ABCC8: variants seen among roughly 807,000 people sequenced by gnomAD.
ABCC8 encodes the protein ATP binding cassette subfamily C member 8.
Under a neutral mutation model 188.0 loss-of-function variants are expected in ABCC8, and 137 were observed. The ratio of observed to expected loss-of-function variants is 0.73; its 90% CI spans 0.63 to 0.84. ABCC8 has a LOEUF of 0.84. Among genes scored for constraint, ABCC8 ranks in the 40% least tolerant of loss-of-function variants. The pLI is 0.00. For missense variants in ABCC8, 1,750 were observed against 2,072.7 expected (o/e 0.84, Z 3.02); for synonymous variants, 797 against 846.5 (o/e 0.94, Z 1.01).
In ABCC8 at chr11:17,435,610, G is replaced by A; in HGVS notation, c.1631-3366C>T. The A allele has an allele frequency of 2.9e-6, 4 of 1,395,722 alleles. No homozygotes were observed. The Admixed American group carries it at 6.7e-5, about 24-fold the overall frequency. 86.5% of individuals were successfully genotyped at this position (1,395,722 alleles called of 1,614,324 possible). On this transcript the variant is annotated intron_variant, in intron 10 of 38. Coordinates refer to ENST00000389817, the MANE Select transcript of ABCC8 (RefSeq NM_000352.6). The stretch of plus-strand genomic sequence containing the variant: ...TTTCCCAGGCTGGAGATAAAAGTGA[G>A]AAACAGAAAGATGGGTGAATGTAAT...
At position 17,470,945 on chromosome 11, in the gene ABCC8, T is replaced by C. The variant is rs138590777; in HGVS notation, c.291-723A>G. The stretch of plus-strand genomic sequence containing the variant: ...TGAGGAGGGTCACCTTAGTTGGTCG[T>C]GATCATGCCCTTCCACAGCTCCCTC... On this transcript the variant is annotated intron_variant, in intron 2 of 38. Coordinates refer to ENST00000389817, the MANE Select transcript of ABCC8 (RefSeq NM_000352.6). Among the ~76,000 whole-genome samples the C allele has an allele frequency of 2.9e-3, 435 of 152,264 alleles. 1 individual carries two copies. The highest frequency in any genetic ancestry group is 4.9e-3 in the Non-Finnish European group (334 of 68,018).
chr11:17,443,336 G>T (rs755179768), intron 8 of ABCC8, 24 bp from the exon 9 acceptor site: 1 of 1,613,780 alleles, frequency 6.2e-7, no homozygotes, highest in African/African-American at 1.3e-5. Flanking sequence ...CATGGGTCAG[G>T]TCCCTTTGAC....
chr11:17,457,012 T>G (rs570333648), intron 6 of ABCC8, among the ~76,000 whole-genome samples: 19 of 152,214 alleles, frequency 1.2e-4, no homozygotes, highest in Non-Finnish European at 2.4e-4. Context: ...TGAGCACAGA[T>G]AAGGGGCATC....
chr11:17,460,997 C>T lies in ABCC8; in HGVS notation c.823-321G>A, dbSNP rs571245612. The T allele has an allele frequency of 8.1e-4, 347 of 427,632 alleles. 2 individuals carry two copies. The highest frequency in any genetic ancestry group is 6.3e-3 in the African/African-American group (315 of 49,742). The allele number at this position is 427,632 out of a possible 1,614,324, so 26.5% of individuals were successfully genotyped here. A position where few individuals can be genotyped will look rare whatever the true frequency, so the allele number is the denominator to read the frequency against. Reference sequence around the variant, plus strand: ...GCCACACTCACTCATTACCACCTGCCACCGTGTCTGCCTCAGCAACTGCCC... The same window carrying T: ...GCCACACTCACTCATTACCACCTGCTACCGTGTCTGCCTCAGCAACTGCCC... On this transcript the variant is annotated intron_variant, in intron 5 of 38. Transcript: ENST00000389817.
Position 17,394,477 on chromosome 11 carries a change from G to A in ABCC8, c.4412-78C>T, listed in dbSNP as rs763053707. On this transcript the variant is annotated intron_variant, in intron 36 of 38. Transcript: ENST00000389817. ...GTGGAGCAGATGGGATGGCTTGGGGGGCTGTTGGAAAATGTGTGCATGGGG... is the reference window on the plus strand; with the variant it reads ...GTGGAGCAGATGGGATGGCTTGGGGAGCTGTTGGAAAATGTGTGCATGGGG... The A allele has an allele frequency of 1.0e-4, 163 of 1,608,308 alleles. 2 individuals are homozygous for A. Among genetic ancestry groups the A allele is most frequent in the Admixed American group, 1.3e-4 (8 of 59,824 alleles).
rs972762584 is a variant in ABCC8 at position 17,463,762 on chromosome 11, G to C, written c.413-158C>G. On this transcript the variant is annotated intron_variant, in intron 3 of 38. Transcript: ENST00000389817. ...GATGTGCACGTGTGAATATATCAGA[G>C]TACATGACTCTAAGATGACGCACGT... 27 of 401,070 alleles carry C rather than the reference G, an allele frequency of 6.7e-5. 1 individual carries two copies. Among genetic ancestry groups the C allele is most frequent in the Non-Finnish European group, 8.4e-5 (25 of 295,988 alleles). The allele number at this position is 401,070 out of a possible 1,614,324, so 24.8% of individuals were successfully genotyped here.
chr11:17,397,888 T>C, intron 30 of ABCC8, 91 bp from the exon 31 acceptor site: 1 of 1,549,844 alleles, frequency 6.5e-7, no homozygotes, highest in Non-Finnish European at 8.7e-7. Flanking sequence ...AGAGAGCAGC[T>C]CAGCCAGGCC....
chr11:17,422,086 G>A (rs766077448), intron 16 of ABCC8, among the ~76,000 whole-genome samples: 1 of 152,204 alleles, frequency 6.6e-6, no homozygotes, highest in Non-Finnish European at 1.5e-5. Context: ...TCTTCTCCCT[G>A]CAGACCTGGG....
At chr11:17,472,571 T>A (rs938184362) in intron 2 of ABCC8, among the ~76,000 whole-genome samples, 9 of 151,922 alleles carry the variant, frequency 5.9e-5, no homozygotes, top group Non-Finnish European at 1.2e-4. Flanking sequence ...ATCACAAGGG[T>A]CTGTGACTTC....
chr11:17,417,038 G>A, intron 16 of ABCC8, 76 bp from the exon 17 acceptor site: 1 of 1,604,502 alleles, frequency 6.2e-7, no homozygotes, highest in Non-Finnish European at 8.5e-7. Context: ...CTGAGTCTTA[G>A]GGGAGAAGCA....
At chr11:17,452,970 G>A in intron 7 of ABCC8, 149 bp downstream of exon 7, 1 of 805,256 alleles carries the variant, frequency 1.2e-6, no homozygotes, top group Admixed American at 1.9e-5. Context: ...CTTGTCAATG[G>A]TTACTGTTTT....
intron 7 of ABCC8, among the ~76,000 whole-genome samples, chr11:17,451,429 G>A (rs1956812163): frequency 6.6e-6 from 1 of 152,240 alleles, no homozygotes; most frequent in Non-Finnish European, 1.5e-5. Flanking sequence ...AACCACTGGG[G>A]ATGGGCAGGG....
intron 8 of ABCC8, 172 bp downstream of exon 8, chr11:17,448,344 A>C: frequency 3.0e-6 from 2 of 662,484 alleles, no homozygotes; most frequent in Non-Finnish European, 2.8e-6. Context: ...GTGCTTGCAG[A>C]GTATGGGACA....
At chr11:17,415,231 TG>T in intron 18 of ABCC8, 72 bp downstream of exon 18, 1 of 1,559,230 alleles carries the variant, frequency 6.4e-7, no homozygotes, top group South Asian at 1.2e-5. Flanking sequence ...AGCAGGGTGA[TG>T]TGGCTCCCTT....
At position 17,416,944 on chromosome 11, in the gene ABCC8, T is replaced by C. The variant is rs755354928; in HGVS notation, c.2241A>G (p.Ile747Met). ...CAAGGCTGTACCTGGGGTCCTCTCC[T>C]ATCTCGCTGTCAGGAAGGCTGCTGG... ...VFWSSLPDSE[I>M]GEDPSPERET... is the part of the protein sequence containing the mutation. The change falls in exon 17 of 39, where the codon ATA becomes ATG. Residue 747 changes from isoleucine (I) to methionine (M), a missense_variant. Ile to Met is a conservative substitution (Grantham distance 10). Coordinates refer to ENST00000389817, the MANE Select transcript of ABCC8 (RefSeq NM_000352.6). 17 of 1,581,108 alleles carry C rather than the reference T, an allele frequency of 1.1e-5. No individual in the cohort carries two copies. Among genetic ancestry groups the C allele is most frequent in the Non-Finnish European group, 1.5e-5 (17 of 1,158,810 alleles).
intron 23 of ABCC8, 164 bp downstream of exon 23, chr11:17,408,228 G>T: frequency 1.5e-6 from 1 of 664,288 alleles, no homozygotes. Flanking sequence ...CCTGGCACAG[G>T]TACTGTCTCT....
intron 4 of ABCC8, 123 bp downstream of exon 4, chr11:17,463,315 G>A (rs1416306944): frequency 1.9e-5 from 16 of 834,942 alleles, no homozygotes; most frequent in South Asian, 6.1e-5. Context: ...TTACACGGGC[G>A]GGTAAAACAA....
At chr11:17,437,834 C>T (rs977803645) in intron 10 of ABCC8, among the ~76,000 whole-genome samples, 3 of 152,246 alleles carry the variant, frequency 2.0e-5, no homozygotes, top group Non-Finnish European at 4.4e-5. Context: ...CACAGTGGCT[C>T]ATGCTTGTAA....
intron 8 of ABCC8, chr11:17,443,581 T>C: frequency 4.1e-6 from 2 of 488,736 alleles, no homozygotes; most frequent in Non-Finnish European, 7.5e-6. Context: ...AAGCCTTAAC[T>C]CTCTCCAGTC....
Sources: gnomAD v4.1 joint callset for allele counts (sites outside exome capture counted in the v4.1 genomes callset) on GRCh38, gnomAD v4.1.1 for gene constraint, MANE v1.5 for transcripts, NCBI Gene and HGNC (gene_info 2026-07-23, HGNC 2026-07-21) for gene names.